OLFML2B: variants seen among roughly 807,000 people sequenced by gnomAD.
The protein encoded by OLFML2B is olfactomedin-like protein 2B.
A neutral mutation model predicts 74.9 loss-of-function variants in OLFML2B; 57 were observed. The ratio of observed to expected loss-of-function variants is 0.76; its 90% CI spans 0.61 to 0.95. The LOEUF (loss-of-function observed/expected upper bound fraction) is 0.95, where lower values mean the gene tolerates loss of function less well. Among genes scored for constraint, OLFML2B ranks in the 40% least tolerant of loss-of-function variants. The pLI is 0.00. For missense variants in OLFML2B, 986 were observed against 970.6 expected (o/e 1.02, Z -0.21); for synonymous variants, 388 against 405.8 (o/e 0.96, Z 0.53).
At position 162,020,049 on chromosome 1, in the gene OLFML2B, T is replaced by C; in HGVS notation, c.308A>G (p.Tyr103Cys). The C allele has an allele frequency of 1.2e-6, 2 of 1,614,178 alleles. No individual in the cohort carries two copies. Among genetic ancestry groups the C allele is most frequent in the Non-Finnish European group, 1.7e-6 (2 of 1,180,026 alleles). Residue 103 changes from tyrosine to cysteine, a missense_variant, in exon 2 of 8, where the codon TAT (tyrosine) becomes TGT (cysteine). Tyr to Cys is a radical substitution (Grantham distance 194). Transcript: ENST00000294794. ...GCCTGAGGTGATGGTTTCCACGGTA[T>C]AGAAGTCTTCCTTCCTGGAGGCCCC... ...NAGASRKEDF[Y>C]TVETITSGSS...
At chr1:161,985,117 T>C in intron 6 of OLFML2B, 137 bp from the exon 7 acceptor site, 1 of 773,852 alleles carries the variant, frequency 1.3e-6, no homozygotes, top group South Asian at 2.3e-5. Flanking sequence ...CCCCAAACAT[T>C]TTTCCACACC....
chr1:162,012,241 T>A (rs1272904133), intron 3 of OLFML2B, among the ~76,000 whole-genome samples: 5 of 150,820 alleles, frequency 3.3e-5, no homozygotes, highest in Non-Finnish European at 7.4e-5. Context: ...TCGACAGGGG[T>A]GGAGGGTGGA....
chr1:162,011,709 C>T (rs1453403324), intron 3 of OLFML2B, among the ~76,000 whole-genome samples: 1 of 152,196 alleles, frequency 6.6e-6, no homozygotes, highest in Non-Finnish European at 1.5e-5. Flanking sequence ...ATGACTTGAC[C>T]CAGCTTGCCC....
chr1:162,020,221 A>T, intron 1 of OLFML2B, 39 bp from the exon 2 acceptor site: 1 of 1,605,116 alleles, frequency 6.2e-7, no homozygotes, highest in Non-Finnish European at 8.5e-7. Context: ...ATGCAAACAC[A>T]GGTGTCAGTC....
chr1:161,998,383 G>A (rs1689983840), intron 5 of OLFML2B, 34 bp from the exon 6 acceptor site: 1 of 1,527,030 alleles, frequency 6.5e-7, no homozygotes. Context: ...CTGTGGCACG[G>A]GAAAGAAACA....
At chr1:162,004,175 T>C (rs754144380) in intron 4 of OLFML2B, among the ~76,000 whole-genome samples, 1 of 152,184 alleles carries the variant, frequency 6.6e-6, no homozygotes, top group Non-Finnish European at 1.5e-5. Flanking sequence ...ACTGGGCAGC[T>C]GAGCCACCGA....
intron 6 of OLFML2B, 41 bp downstream of exon 6, chr1:161,997,784 T>G: frequency 6.4e-7 from 1 of 1,565,478 alleles, no homozygotes; most frequent in Non-Finnish European, 8.7e-7. Flanking sequence ...GCCTTTTACC[T>G]GAGCTGATCA....
At position 161,984,822 on chromosome 1, in the gene OLFML2B, G is replaced by C. The variant is rs1689539885; in HGVS notation, c.1633C>G (p.Leu545Val). The C allele has an allele frequency of 6.2e-7, 1 of 1,613,444 alleles. No individual in the cohort carries two copies. The highest frequency in any genetic ancestry group is 1.3e-5 in the African/African-American group (1 of 74,758). ...YGNTLVEFRN[L>V]ENFKQGRWSN... The stretch of plus-strand genomic sequence containing the variant: ...CATGTACCTTGTTTGAAGTTCTCCA[G>C]GTTCCGGAACTCTACCAGGGTGTTG... Residue 545 changes from leucine (L) to valine (V), a missense_variant, in exon 7 of 8, where the codon CTG becomes GTG. Transcript: ENST00000294794.
In OLFML2B at chr1:161,998,225, A is replaced by C. The variant is rs769764459; in HGVS notation, c.1074T>G (p.Thr358=). The C allele has an allele frequency of 1.7e-5, 27 of 1,613,874 alleles. No homozygotes were observed. The highest frequency in any genetic ancestry group is 2.3e-5 in the Non-Finnish European group (27 of 1,179,852). Residue 358 remains threonine (T), a synonymous_variant, in exon 6 of 8, where the codon ACT becomes ACG. Coordinates refer to ENST00000294794, the MANE Select transcript of OLFML2B (RefSeq NM_015441.3). Reference sequence around the variant, plus strand: ...GAGCGTTCAGGTCGCTTGTCACAGCAGTGCTGTGTCCCTGACGGGTGGCTG... The same window carrying C: ...GAGCGTTCAGGTCGCTTGTCACAGCCGTGCTGTGTCCCTGACGGGTGGCTG... ...RPAATRQGHS[T]AVTSDLNART...
At chr1:162,003,606 C>T (rs896836992) in intron 4 of OLFML2B, among the ~76,000 whole-genome samples, 7 of 152,156 alleles carry the variant, frequency 4.6e-5, no homozygotes, top group African/African-American at 1.7e-4. Context: ...TGTATGACTT[C>T]AGCTCCTGGA....
chr1:162,005,822 T>C (rs145790504), intron 4 of OLFML2B, among the ~76,000 whole-genome samples: 43 of 150,522 alleles, frequency 2.9e-4, no homozygotes, highest in Admixed American at 4.7e-4. Flanking sequence ...GGAGGATCAC[T>C]TGAGCCCAGG....
rs539747206 is a variant in OLFML2B at position 161,995,347 on chromosome 1, A to G, written c.1474+2478T>C. Among the ~76,000 whole-genome samples the G allele has an allele frequency of 7.9e-5, 12 of 152,340 alleles. No individual in the cohort carries two copies. In the South Asian group the frequency reaches 2.3e-3, roughly 29 times the overall value. ...GAGGTGAGAACCCCAGCTCCTCTGA[A>G]AAATGCCACGGGCTAGTCTTTAAGC... On this transcript the variant is annotated intron_variant, in intron 6 of 7. Coordinates refer to ENST00000294794, the MANE Select transcript of OLFML2B (RefSeq NM_015441.3).
At chr1:162,010,748 C>G (rs10218569) in intron 3 of OLFML2B, among the ~76,000 whole-genome samples, 150,089 of 152,140 alleles carry the variant, frequency 0.99, 74,056 homozygotes, top group Middle Eastern at 1. Flanking sequence ...GGGGTGTGGT[C>G]GGGGGAGGGT....
intron 1 of OLFML2B, among the ~76,000 whole-genome samples, chr1:162,021,056 G>GC (rs1390640988): frequency 6.6e-6 from 1 of 152,182 alleles, no homozygotes; most frequent in Non-Finnish European, 1.5e-5. Flanking sequence ...AGTGATAAGT[G>GC]CCCCCGAAGA....
chr1:162,000,098 T>C lies in OLFML2B; in HGVS notation c.949+15A>G. On this transcript the variant is annotated intron_variant, in intron 5 of 7. Transcript: ENST00000294794. The stretch of plus-strand genomic sequence containing the variant: ...CTACCCTGCCTCTGGGGCGGCCCTG[T>C]TGACCCCAACTCACGCTGCTCTTCA... 6.4e-7 allele frequency: 1 copy of C among 1,571,362 alleles called. No individual in the cohort carries two copies. Among genetic ancestry groups the C allele is most frequent in the African/African-American group, 1.4e-5 (1 of 74,002 alleles).
Position 162,006,389 on chromosome 1 carries a change from T to G in OLFML2B, c.631A>C (p.Lys211Gln). Residue 211 changes from lysine to glutamine, a missense_variant, in exon 4 of 8, where the codon AAA (lysine) becomes CAA (glutamine). By Grantham distance (53) the Lys-to-Gln change is moderately conservative (BLOSUM62 1). Coordinates refer to ENST00000294794, the MANE Select transcript of OLFML2B (RefSeq NM_015441.3). ...EIRTEMNKRG[K>Q]ENCSENILDS... ...AGGATGTTTTCAGAGCAATTTTCTT[T>G]GCCTCGCTTATTCATCTCGGTTCGA... 1 of 1,613,082 alleles carries G rather than the reference T, an allele frequency of 6.2e-7. No homozygotes were observed. Among genetic ancestry groups the G allele is most frequent in the Non-Finnish European group, 8.5e-7 (1 of 1,179,732 alleles).
At chr1:161,988,653 C>T (rs1204075242) in intron 6 of OLFML2B, among the ~76,000 whole-genome samples, 1 of 151,458 alleles carries the variant, frequency 6.6e-6, no homozygotes, top group East Asian at 2.0e-4. Flanking sequence ...TGGCCTTCTC[C>T]AGCTCTTTGG....
In OLFML2B at chr1:162,023,311, C is replaced by T. The variant is rs1461615744; in HGVS notation, c.120G>A (p.Ala40=). ...CCTCGTTTTGCAGAGTCTCGTCCTCCGCAGGCGCCACTGTCTGCGCATCTG... is the reference window on the plus strand; with the variant it reads ...CCTCGTTTTGCAGAGTCTCGTCCTCTGCAGGCGCCACTGTCTGCGCATCTG... ...EPPDAQTVAP[A]EDETLQNEAD... Residue 40 remains alanine, a synonymous_variant, in exon 1 of 8, where the codon GCG becomes GCA. Coordinates refer to ENST00000294794, the MANE Select transcript of OLFML2B (RefSeq NM_015441.3). 3.1e-6 allele frequency: 5 copies of T among 1,604,990 alleles called. No individual in the cohort carries two copies. The highest frequency in any genetic ancestry group is 3.4e-6 in the Non-Finnish European group (4 of 1,174,504).
intron 3 of OLFML2B, among the ~76,000 whole-genome samples, chr1:162,014,720 T>C (rs1690482469): frequency 1.3e-5 from 2 of 152,234 alleles, no homozygotes; most frequent in African/African-American, 4.8e-5. Context: ...GCTCCACTAT[T>C]TGGGCACAGG....
Sources: gnomAD v4.1 joint callset for allele counts (sites outside exome capture counted in the v4.1 genomes callset) on GRCh38, gnomAD v4.1.1 for gene constraint, MANE v1.5 for transcripts, NCBI Gene and HGNC (gene_info 2026-07-23, HGNC 2026-07-21) for gene names.